The following NCAM1 variants were observed in gnomAD, a reference collection of about 807,000 sequenced individuals.
The protein encoded by NCAM1 is antigen recognized by monoclonal antibody 5.1H11.
In NCAM1, 14 loss-of-function variants were observed where a neutral mutation model predicts 109.8. The ratio of observed to expected loss-of-function variants is 0.13; its 90% CI spans 0.08 to 0.20. The LOEUF (loss-of-function observed/expected upper bound fraction) is 0.20. Among genes scored for constraint, NCAM1 ranks in the 10% least tolerant of loss-of-function variants. NCAM1 has a pLI of 1.00. For missense variants in NCAM1, 774 were observed against 1,109.9 expected (o/e 0.70, Z 4.30); for synonymous variants, 418 against 442.9 (o/e 0.94, Z 0.70).
At chr11:113,207,486 T>C in intron 6 of NCAM1, 108 bp downstream of exon 6, 1 of 843,950 alleles carries the variant, frequency 1.2e-6, no homozygotes, top group Non-Finnish European at 1.9e-6. Context: ...TTCTTAGGAA[T>C]ATTAACCCCA....
At chr11:113,146,983 G>C (rs554093325) in intron 1 of NCAM1, among the ~76,000 whole-genome samples, 2 of 152,040 alleles carry the variant, frequency 1.3e-5, no homozygotes, top group Non-Finnish European at 2.9e-5. Context: ...AGGAATGGGC[G>C]TGCCTCTTTG....
chr11:113,079,688 C>T (rs2135659774), intron 1 of NCAM1, among the ~76,000 whole-genome samples: 1 of 152,198 alleles, frequency 6.6e-6, no homozygotes, highest in Middle Eastern at 3.4e-3. Flanking sequence ...AAAATTAAAG[C>T]AACCTTGTGT....
chr11:113,217,544 G>A (rs910817727), intron 8 of NCAM1, among the ~76,000 whole-genome samples: 2 of 151,834 alleles, frequency 1.3e-5, no homozygotes, highest in Admixed American at 6.6e-5. Flanking sequence ...GCAGACTTCA[G>A]GAGGGCTACT....
intron 1 of NCAM1, among the ~76,000 whole-genome samples, chr11:113,052,187 T>C (rs557135252): frequency 6.6e-6 from 1 of 152,356 alleles, no homozygotes; most frequent in Admixed American, 6.5e-5. Context: ...TTGGATGTGC[T>C]GGTGATACCT....
At chr11:113,000,589 C>T (rs1951719774) in intron 1 of NCAM1, among the ~76,000 whole-genome samples, 1 of 151,906 alleles carries the variant, frequency 6.6e-6, no homozygotes, top group East Asian at 1.9e-4. Context: ...AGATATAATA[C>T]ATGACTACGT....
At chr11:113,215,726 T>A (rs945901621) in intron 8 of NCAM1, among the ~76,000 whole-genome samples, 1 of 152,220 alleles carries the variant, frequency 6.6e-6, no homozygotes, top group Non-Finnish European at 1.5e-5. Context: ...TGCTAAATAT[T>A]TTTGAAACCC....
chr11:113,275,679 A>G lies in NCAM1; in HGVS notation c.*292A>G, dbSNP rs971757309. The G allele has an allele frequency of 1.2e-5, 3 of 240,872 alleles. No individual in the cohort carries two copies. The highest frequency in any genetic ancestry group is 6.8e-5 in the African/African-American group (3 of 44,068). The allele number at this position is 240,872 out of a possible 1,614,324, so 14.9% of individuals were successfully genotyped here. On this transcript the variant is annotated 3_prime_UTR_variant, in exon 20 of 20. Coordinates refer to ENST00000316851, the MANE Select transcript of NCAM1 (RefSeq NM_181351.5). ...CAAACTAGGACACTCCGTTCCCTGA[A>G]ACCGTTAAAAAATCAAACAAAAGGA...
rs781976689 is a variant in NCAM1 at position 113,204,521 on chromosome 11, T to C, written c.346+17T>C. ...AGATCTTTCGTAAGAGCCTCCTTCT[T>C]CTTCTGCATTCTCTGGCCTCTCCTT... On this transcript the variant is annotated intron_variant, in intron 3 of 19. Coordinates refer to ENST00000316851, the MANE Select transcript of NCAM1 (RefSeq NM_181351.5). The C allele has an allele frequency of 6.8e-6, 11 of 1,610,880 alleles. No individual in the cohort carries two copies. Among genetic ancestry groups the C allele is most frequent in the Non-Finnish European group, 9.3e-6 (11 of 1,177,504 alleles).
chr11:113,054,928 C>T (rs1404211489), intron 1 of NCAM1, among the ~76,000 whole-genome samples: 4 of 152,100 alleles, frequency 2.6e-5, no homozygotes, highest in African/African-American at 7.2e-5. Flanking sequence ...CAAAGTTATA[C>T]CTTAAAGTGA....
At chr11:113,032,642 G>C (rs7482682) in intron 1 of NCAM1, among the ~76,000 whole-genome samples, 2 of 152,190 alleles carry the variant, frequency 1.3e-5, no homozygotes, top group Non-Finnish European at 2.9e-5. Flanking sequence ...TTCCTTCCAG[G>C]AGCACATAAT....
chr11:113,229,003 C>T (rs576024674), intron 9 of NCAM1, among the ~76,000 whole-genome samples: 1,992 of 152,218 alleles, frequency 0.013, 30 homozygotes, highest in African/African-American at 0.039. Context: ...TAGGCAATAC[C>T]ATTCAGGACA....
At chr11:113,162,876 G>A (rs1163675356) in intron 1 of NCAM1, among the ~76,000 whole-genome samples, 4 of 152,158 alleles carry the variant, frequency 2.6e-5, no homozygotes, top group Non-Finnish European at 5.9e-5. Context: ...ATGGAAATTC[G>A]AAATGGACGT....
rs1950613027 is a variant in NCAM1 at position 112,963,006 on chromosome 11, A to G, written c.52+1342A>G. Among the ~76,000 whole-genome samples the G allele has an allele frequency of 6.6e-6, 1 of 151,958 alleles. No homozygotes were observed. The highest frequency in any genetic ancestry group is 6.5e-5 in the Admixed American group (1 of 15,278). On this transcript the variant is annotated intron_variant, in intron 1 of 19. Coordinates refer to ENST00000316851, the MANE Select transcript of NCAM1 (RefSeq NM_181351.5). This position sits in a 1 kb window ranked among gnomAD's most constrained non-coding sequence, Gnocchi z 4.6. ...GAGCGCACGGGGCGGGCCAGGGAGC[A>G]CCCAGTGCGCCCCCTCCGCGGGCGG...
chr11:113,015,009 GCT>G (rs1385230843), intron 1 of NCAM1, among the ~76,000 whole-genome samples: 2 of 152,200 alleles, frequency 1.3e-5, no homozygotes, highest in Non-Finnish European at 2.9e-5. Flanking sequence ...CCAGCCTTCT[GCT>G]CTGTTTCATC....
intron 9 of NCAM1, among the ~76,000 whole-genome samples, chr11:113,228,499 A>G (rs1160146414): frequency 6.6e-6 from 1 of 152,336 alleles, no homozygotes; most frequent in Admixed American, 6.5e-5. Flanking sequence ...GAAAATGGCC[A>G]TACTGCCCAA....
rs781985812 is a variant in NCAM1 at position 112,961,557 on chromosome 11, G to A, written c.-56G>A. ...AGCCGCCGTCCACACTCGCTGCAGGGGGGGGGGCACAGAATTTACCGCGGC... is the reference window on the plus strand; with the variant it reads ...AGCCGCCGTCCACACTCGCTGCAGGAGGGGGGGCACAGAATTTACCGCGGC... On this transcript the variant is annotated 5_prime_UTR_variant, in exon 1 of 20. Coordinates refer to ENST00000316851, the MANE Select transcript of NCAM1 (RefSeq NM_181351.5). 1.7e-4 allele frequency: 192 copies of A among 1,121,038 alleles called. 2 individuals are homozygous for A. In the South Asian group the frequency reaches 2.1e-3, roughly 12 times the overall value. 69.4% of individuals were successfully genotyped at this position (1,121,038 alleles called of 1,614,324 possible).
intron 1 of NCAM1, among the ~76,000 whole-genome samples, chr11:113,024,199 C>T (rs1440198338): frequency 1.3e-5 from 2 of 152,098 alleles, no homozygotes; most frequent in African/African-American, 4.8e-5. Flanking sequence ...TGTGGCTGGG[C>T]CAAGGAGCAG....
chr11:113,251,035 A>T (rs1945663832), intron 15 of NCAM1, among the ~76,000 whole-genome samples: 1 of 152,194 alleles, frequency 6.6e-6, no homozygotes, highest in Non-Finnish European at 1.5e-5. Context: ...TCCTGACCTC[A>T]GGTGATCCAC....
At chr11:113,111,379 A>G (rs1355543712) in intron 1 of NCAM1, among the ~76,000 whole-genome samples, 4 of 152,208 alleles carry the variant, frequency 2.6e-5, no homozygotes, top group Non-Finnish European at 5.9e-5. Context: ...ATCATGATCT[A>G]TAATCCCTAT....
Sources: allele counts gnomAD v4.1 joint callset (sites outside exome capture counted in the v4.1 genomes callset), GRCh38; gene constraint gnomAD v4.1.1; non-coding constraint Gnocchi (gnomAD v3.1); transcripts MANE v1.5; gene names NCBI Gene and HGNC (gene_info 2026-07-23, HGNC 2026-07-21).